The following VAV2 variants were observed in gnomAD, a reference collection of about 807,000 sequenced individuals.
VAV2 encodes the protein vav guanine nucleotide exchange factor 2, also known as guanine nucleotide exchange factor VAV2.
VAV2 carries 67 observed loss-of-function variants against 132.5 expected under a neutral mutation model. The observed-to-expected ratio is 0.51, with a 90% CI of 0.42 to 0.62. The LOEUF (loss-of-function observed/expected upper bound fraction) is 0.62, where lower values mean the gene tolerates loss of function less well. VAV2 is among the 20% of genes least tolerant of loss of function. The pLI is 0.00. For missense variants in VAV2, 938 were observed against 1,153.6 expected, an observed-to-expected ratio of 0.81 and a Z score of 2.71; for synonymous variants, 492 against 443.5, an observed-to-expected ratio of 1.11 and a Z score of -1.37.
At chr9:133,938,998 G>T in intron 2 of VAV2, 105 bp downstream of exon 2, 1 of 1,039,426 alleles carries the variant, frequency 9.6e-7, no homozygotes, top group Non-Finnish European at 1.5e-6. Flanking sequence ...CTGGCTCTGT[G>T]TTGGAGCCAA....
intron 2 of VAV2, among the ~76,000 whole-genome samples, chr9:133,868,716 G>T (rs184351456): frequency 1.9e-3 from 286 of 152,332 alleles, no homozygotes; most frequent in Non-Finnish European, 2.0e-3. Flanking sequence ...CCATCTCCTG[G>T]GAATGCCGCT....
intron 1 of VAV2, among the ~76,000 whole-genome samples, chr9:133,970,538 G>C (rs2810542): frequency 0.62 from 94,152 of 152,062 alleles, 30,200 homozygotes; most frequent in East Asian, 0.92. Flanking sequence ...CCACAGCCCT[G>C]TGGTTGGTGT....
Position 133,812,493 on chromosome 9 carries a change from C to A in VAV2, c.450-277G>T, listed in dbSNP as rs56160931. Among the ~76,000 whole-genome samples, 514 of 152,344 alleles carry A rather than the reference C, an allele frequency of 3.4e-3. 4 individuals are homozygous for A. Among genetic ancestry groups the A allele is most frequent in the Non-Finnish European group, 3.9e-3 (268 of 68,032 alleles). On this transcript the variant is annotated intron_variant, in intron 4 of 29. Coordinates refer to ENST00000371850, the MANE Select transcript of VAV2 (RefSeq NM_001134398.2). The stretch of plus-strand genomic sequence containing the variant: ...CAGGACAAAGAACCCACTTCTCCAG[C>A]CCTTTGGTAAATGCTGGGGACGTAG...
At chr9:133,818,384 A>T (rs56156761) in intron 4 of VAV2, among the ~76,000 whole-genome samples, 1 of 146,452 alleles carries the variant, frequency 6.8e-6, no homozygotes, top group Admixed American at 6.8e-5. Flanking sequence ...AAAAAAAAAA[A>T]TGGGTGGACT....
rs933273628 is a variant in VAV2, at chr9:133,805,979, C to T, written c.836+102G>A. On this transcript the variant is annotated intron_variant, in intron 9 of 29. Coordinates refer to ENST00000371850, the MANE Select transcript of VAV2 (RefSeq NM_001134398.2). ...GGTCCAGAGGGGGCGGCCCCTGCCT[C>T]GGGACACCCCAAGAGTCCCACTTAC... 65 of 1,288,338 alleles carry T rather than the reference C, an allele frequency of 5.0e-5. 2 individuals are homozygous for T. The South Asian group carries it at 6.5e-4, about 13-fold the overall frequency. The allele number at this position is 1,288,338 out of a possible 1,614,324, so 79.8% of individuals were successfully genotyped here. A position where few individuals can be genotyped will look rare whatever the true frequency, so the allele number is the denominator to read the frequency against.
At chr9:133,917,307 A>G (rs527276019) in intron 2 of VAV2, among the ~76,000 whole-genome samples, 47 of 152,318 alleles carry the variant, frequency 3.1e-4, no homozygotes, top group South Asian at 1.0e-3. Context: ...GTGGAGCCCA[A>G]TGGATTACCT....
intron 2 of VAV2, among the ~76,000 whole-genome samples, chr9:133,899,890 G>A (rs1159455331): frequency 1.3e-5 from 2 of 151,380 alleles, no homozygotes; most frequent in African/African-American, 2.4e-5. Flanking sequence ...GCGTGGTGGC[G>A]GGCACCCGTA....
chr9:133,845,255 C>T (rs965100374), intron 3 of VAV2, among the ~76,000 whole-genome samples: 3 of 152,266 alleles, frequency 2.0e-5, no homozygotes, highest in African/African-American at 7.2e-5. Context: ...ACTGAATCCA[C>T]GGGCTGGATG....
chr9:133,852,815 T>A lies in VAV2; in HGVS notation c.380+8559A>T, dbSNP rs550082662. Among the ~76,000 whole-genome samples the A allele has an allele frequency of 5.9e-5, 9 of 152,308 alleles. No individual in the cohort carries two copies. The South Asian group carries it at 1.9e-3, about 32-fold the overall frequency. On this transcript the variant is annotated intron_variant, in intron 3 of 29. Coordinates refer to ENST00000371850, the MANE Select transcript of VAV2 (RefSeq NM_001134398.2). ...GCAAAGAGGACACACCAGTGTTCCCTAGCCCTGCCACTCGGCTAGGGGTGC... is the reference window on the plus strand; with the variant it reads ...GCAAAGAGGACACACCAGTGTTCCCAAGCCCTGCCACTCGGCTAGGGGTGC...
intron 2 of VAV2, among the ~76,000 whole-genome samples, chr9:133,933,510 G>A (rs1840762360): frequency 1.3e-5 from 2 of 151,304 alleles, no homozygotes; most frequent in South Asian, 4.2e-4. Flanking sequence ...GATGGTGAAT[G>A]GATGGATGAA....
At chr9:133,938,587 CCT>C (rs1460725084) in intron 2 of VAV2, among the ~76,000 whole-genome samples, 2 of 152,100 alleles carry the variant, frequency 1.3e-5, no homozygotes, top group Admixed American at 6.5e-5. Context: ...GAGAATACCC[CCT>C]CTTTGCCCAA....
chr9:133,769,267 A>G lies in VAV2; in HGVS notation c.2434+150T>C. 1 of 855,478 alleles carries G rather than the reference A, an allele frequency of 1.2e-6. No individual in the cohort carries two copies. The allele number at this position is 855,478 out of a possible 1,614,324, so 53.0% of individuals were successfully genotyped here. ...GCAGCAGCCTCTGCCCGGCCTCCCC[A>G]GCCCCTTTCTCCCCTCCACCCAGTG... On this transcript the variant is annotated intron_variant, in intron 28 of 29. Coordinates refer to ENST00000371850, the MANE Select transcript of VAV2 (RefSeq NM_001134398.2). The surrounding 1 kb of genome is among the most constrained non-coding windows in gnomAD (Gnocchi z 8.1).
At chr9:133,976,581 G>T (rs186658717) in intron 1 of VAV2, among the ~76,000 whole-genome samples, 1 of 152,182 alleles carries the variant, frequency 6.6e-6, no homozygotes, top group Non-Finnish European at 1.5e-5. Context: ...CAAACCTTCC[G>T]CACTATGGAG....
chr9:133,828,212 G>C (rs1252984126), intron 4 of VAV2, among the ~76,000 whole-genome samples: 65 of 2,962 alleles, frequency 0.022, 6 homozygotes, highest in East Asian at 0.083. Context: ...CCACTGAGTG[G>C]GGGCATCACC....
At position 133,926,445 on chromosome 9, in the gene VAV2, C is replaced by G. The variant is rs898298801; in HGVS notation, c.321+12658G>C. On this transcript the variant is annotated intron_variant, in intron 2 of 29. Transcript: ENST00000371850. This position sits in a 1 kb window ranked among gnomAD's most constrained non-coding sequence, Gnocchi z 4.3. Reference sequence around the variant, plus strand: ...AACAACCTGGCTTGCAGCTTTAGATCGTGGGTCTCCCTTCTGAAAACCCCA... The same window carrying G: ...AACAACCTGGCTTGCAGCTTTAGATGGTGGGTCTCCCTTCTGAAAACCCCA... 6.6e-6 allele frequency: 1 copy of G among 152,286 alleles called. No individual in the cohort carries two copies. Among genetic ancestry groups the G allele is most frequent in the Non-Finnish European group, 1.5e-5 (1 of 68,108 alleles). 9.4% of individuals were successfully genotyped at this position (152,286 alleles called of 1,614,324 possible). A position where few individuals can be genotyped will look rare whatever the true frequency, so the allele number is the denominator to read the frequency against.
intron 7 of VAV2, among the ~76,000 whole-genome samples, chr9:133,808,472 A>T (rs1236840567): frequency 2.0e-5 from 3 of 152,204 alleles, no homozygotes; most frequent in Admixed American, 6.5e-5. Context: ...CAGGAGGCCC[A>T]GGTGGGGTAG....
intron 4 of VAV2, among the ~76,000 whole-genome samples, chr9:133,830,502 G>C (rs1836221805): frequency 6.6e-6 from 1 of 152,156 alleles, no homozygotes; most frequent in Admixed American, 6.5e-5. Flanking sequence ...TCCTCCTTTT[G>C]CTCTGCCCTT....
At chr9:133,896,395 A>C (rs529335209) in intron 2 of VAV2, among the ~76,000 whole-genome samples, 284 of 152,304 alleles carry the variant, frequency 1.9e-3, no homozygotes, top group African/African-American at 6.4e-3. Flanking sequence ...CAGAGGTTGC[A>C]ATGAGCCAAG....
At chr9:133,956,847 G>A (rs1006065338) in intron 1 of VAV2, among the ~76,000 whole-genome samples, 3 of 152,226 alleles carry the variant, frequency 2.0e-5, no homozygotes, top group African/African-American at 7.2e-5. Context: ...CAGGGCCTGG[G>A]ACAGAGCCCT....
Sources: gnomAD v4.1 joint callset for allele counts (sites outside exome capture counted in the v4.1 genomes callset) on GRCh38, gnomAD v4.1.1 for gene constraint, Gnocchi (gnomAD v3.1) non-coding constraint, MANE v1.5 for transcripts, NCBI Gene and HGNC (gene_info 2026-07-23, HGNC 2026-07-21) for gene names.